NFYC: variants seen among roughly 807,000 people sequenced by gnomAD.
NFYC encodes the protein nuclear transcription factor Y subunit gamma, also known as CAAT box DNA-binding protein subunit C.
Under a neutral mutation model 53.1 loss-of-function variants are expected in NFYC, and 25 were observed. That is an observed-to-expected ratio of 0.47 (90% confidence interval 0.34 to 0.66). NFYC has a LOEUF of 0.66. NFYC is among the 30% of genes least tolerant of loss of function. The pLI is 0.01. For missense variants in NFYC, 260 were observed against 422.7 expected, an observed-to-expected ratio of 0.62 and a Z score of 3.38; for synonymous variants, 145 against 152.6, an observed-to-expected ratio of 0.95 and a Z score of 0.37.
chr1:40,730,753 T>A, intron 1 of NFYC: 1 of 177,988 alleles, frequency 5.6e-6, no homozygotes, highest in Non-Finnish European at 1.1e-5. Context: ...ACATTATATT[T>A]GTTTCTTAGT....
At chr1:40,703,364 T>C (rs1028307431) in intron 1 of NFYC, among the ~76,000 whole-genome samples, 2 of 151,018 alleles carry the variant, frequency 1.3e-5, no homozygotes, top group Non-Finnish European at 1.5e-5. Context: ...TGGTAGCGCA[T>C]GCCTGTGCTC....
intron 1 of NFYC, among the ~76,000 whole-genome samples, chr1:40,697,616 G>T (rs1183241924): frequency 6.6e-6 from 1 of 152,236 alleles, no homozygotes; most frequent in East Asian, 1.9e-4. Flanking sequence ...TGACCAGAAG[G>T]AGAGATTTCC....
chr1:40,724,164 G>A (rs1644424627), intron 1 of NFYC, among the ~76,000 whole-genome samples: 2 of 152,156 alleles, frequency 1.3e-5, no homozygotes, highest in African/African-American at 4.8e-5. Context: ...AAGGTCAGGA[G>A]TTCAAGACCA....
chr1:40,757,456 G>A (rs1646289067), intron 5 of NFYC: 3 of 449,102 alleles, frequency 6.7e-6, no homozygotes, highest in Non-Finnish European at 1.4e-5. Context: ...CAGTACCCCA[G>A]CGGAGAGCTG....
At chr1:40,706,038 G>A (rs887363524) in intron 1 of NFYC, among the ~76,000 whole-genome samples, 1 of 152,130 alleles carries the variant, frequency 6.6e-6, no homozygotes, top group African/African-American at 2.4e-5. Flanking sequence ...GAGCCAACAC[G>A]CCTGGCCCAG....
chr1:40,770,516 C>A lies in NFYC; in HGVS notation c.889-193C>A, dbSNP rs559343202. 8.3e-6 allele frequency: 13 copies of A among 1,557,058 alleles called. No individual in the cohort carries two copies. In the East Asian group the frequency reaches 1.7e-4, roughly 20 times the overall value. On this transcript the variant is annotated intron_variant, in intron 9 of 9. Coordinates refer to ENST00000447388, the MANE Select transcript of NFYC (RefSeq NM_014223.5). This position sits in a 1 kb window ranked among gnomAD's most constrained non-coding sequence, Gnocchi z 5.3. ...CTTCCCTGCCCACCACACACCCCCC[C>A]TCACACCGGGCTGGTGCCTCCTGTG... is the stretch of plus-strand genomic sequence containing the variant.
intron 1 of NFYC, among the ~76,000 whole-genome samples, chr1:40,701,865 G>A (rs921653935): frequency 1.8e-4 from 27 of 152,194 alleles, no homozygotes; most frequent in African/African-American, 6.5e-4. Context: ...GGCCTCGATG[G>A]AGTTGAATAA....
intron 1 of NFYC, among the ~76,000 whole-genome samples, chr1:40,731,278 G>A (rs1455924906): frequency 3.9e-5 from 6 of 152,022 alleles, no homozygotes; most frequent in East Asian, 3.9e-4. Context: ...GGGTTCAAGC[G>A]ATTCTCATGC....
intron 1 of NFYC, among the ~76,000 whole-genome samples, chr1:40,736,820 C>CA (rs71060396): frequency 0.47 from 30,033 of 63,456 alleles, 6,063 homozygotes; most frequent in Non-Finnish European, 0.54. Context: ...AAACTTATTC[C>CA]AAAAAAAAAA....
chr1:40,739,531 C>G (rs1557838751), intron 2 of NFYC, among the ~76,000 whole-genome samples: 1 of 152,078 alleles, frequency 6.6e-6, no homozygotes, highest in Non-Finnish European at 1.5e-5. Flanking sequence ...CCAGTAGCAC[C>G]CCTCCCCGAG....
At chr1:40,747,244 G>GGA (rs1645657512) in intron 2 of NFYC, among the ~76,000 whole-genome samples, 3 of 133,970 alleles carry the variant, frequency 2.2e-5, no homozygotes, top group East Asian at 4.3e-4. Flanking sequence ...TTGTGCTGAC[G>GGA]AAAAAAAAAA....
At chr1:40,740,967 C>A (rs776636448) in intron 2 of NFYC, among the ~76,000 whole-genome samples, 16 of 149,762 alleles carry the variant, frequency 1.1e-4, no homozygotes, top group Non-Finnish European at 1.2e-4. Context: ...CATAAAATTT[C>A]GCCCCTTATC....
intron 1 of NFYC, among the ~76,000 whole-genome samples, chr1:40,738,374 T>C (rs1225631415): frequency 2.0e-5 from 3 of 152,194 alleles, no homozygotes; most frequent in African/African-American, 7.2e-5. Flanking sequence ...TTCTGTACAG[T>C]ACTAATCACT....
At chr1:40,699,950 T>G (rs548715818) in intron 1 of NFYC, among the ~76,000 whole-genome samples, 113 of 152,342 alleles carry the variant, frequency 7.4e-4, no homozygotes, top group African/African-American at 2.6e-3. Context: ...GAAGATACAT[T>G]ACGCGGTGTT....
intron 3 of NFYC, among the ~76,000 whole-genome samples, chr1:40,747,940 A>G (rs1645702160): frequency 6.6e-6 from 1 of 151,774 alleles, no homozygotes; most frequent in Middle Eastern, 3.4e-3. Flanking sequence ...GGTTCAGGCA[A>G]TTCCCATGCC....
chr1:40,695,900 C>G (rs1480203395), intron 1 of NFYC, among the ~76,000 whole-genome samples: 2 of 152,076 alleles, frequency 1.3e-5, no homozygotes, highest in African/African-American at 4.8e-5. Flanking sequence ...TATTCTCATA[C>G]ACTATGAGGT....
intron 1 of NFYC, among the ~76,000 whole-genome samples, chr1:40,711,676 G>A (rs1468687096): frequency 6.6e-6 from 1 of 152,158 alleles, no homozygotes; most frequent in Non-Finnish European, 1.5e-5. Flanking sequence ...ATGTCAAATG[G>A]TATTTAACAC....
rs372284521 is a variant in NFYC at position 40,727,532 on chromosome 1, CTTT to C, written c.-8-11290_-8-11288del. ...GGCACTGTGCCTGGCCATGAATATT[CTTT>C]TTTTTTTTTTTTTGAGACAAAGTCT... On this transcript the variant is annotated intron_variant, in intron 1 of 9. Coordinates refer to ENST00000447388, the MANE Select transcript of NFYC (RefSeq NM_014223.5). Among the ~76,000 whole-genome samples, 16 of 130,108 alleles carry C rather than the reference CTTT, an allele frequency of 1.2e-4. No homozygotes were observed. In the East Asian group the frequency reaches 3.0e-3, roughly 24 times the overall value. The allele number at this position is 130,108 out of a possible 152,430, so 85.4% of individuals were successfully genotyped here.
chr1:40,706,386 G>T (rs1009725817), intron 1 of NFYC, among the ~76,000 whole-genome samples: 2 of 152,138 alleles, frequency 1.3e-5, no homozygotes, highest in African/African-American at 4.8e-5. Flanking sequence ...TGGGAAATGA[G>T]TGGAATGTAG....
Sources: gnomAD v4.1 joint callset for allele counts (sites outside exome capture counted in the v4.1 genomes callset) on GRCh38, gnomAD v4.1.1 for gene constraint, Gnocchi (gnomAD v3.1) non-coding constraint, MANE v1.5 for transcripts, NCBI Gene and HGNC (gene_info 2026-07-23, HGNC 2026-07-21) for gene names.